ZFHX3: variants seen among roughly 807,000 people sequenced by gnomAD.
ZFHX3 encodes zinc finger homeobox protein 3.
Under a neutral mutation model 279.1 loss-of-function variants are expected in ZFHX3, and 42 were observed. That is an observed-to-expected ratio of 0.15 (90% CI 0.12 to 0.19). The LOEUF is 0.19. Ranked by LOEUF, ZFHX3 falls within the 10% of genes least tolerant of loss-of-function variation. ZFHX3 has a pLI of 1.00. For missense variants in ZFHX3, 4,981 were observed against 4,754.0 expected (o/e 1.05, Z -1.40); for synonymous variants, 2,293 against 1,957.8 (o/e 1.17, Z -4.52).
chr16:73,093,318 A>G, exon 8 of ZFHX3: 1 of 421,506 alleles, frequency 2.4e-6, no homozygotes, highest in Non-Finnish European at 4.7e-6. Flanking sequence ...AAAGATGCAT[A>G]TTGAAAGCCA....
chr16:73,122,139 C>G (rs1966506587), intron 7 of ZFHX3, among the ~76,000 whole-genome samples: 1 of 152,092 alleles, frequency 6.6e-6, no homozygotes, highest in Admixed American at 6.5e-5. Flanking sequence ...CCTATCCATA[C>G]TTGTGAAATT....
intron 4 of ZFHX3, among the ~76,000 whole-genome samples, chr16:73,293,537 A>G (rs1002157820): frequency 6.6e-6 from 1 of 152,234 alleles, no homozygotes; most frequent in Non-Finnish European, 1.5e-5. Context: ...CTATTGGTGC[A>G]TGAAGACAAT....
intron 4 of ZFHX3, among the ~76,000 whole-genome samples, chr16:72,882,713 C>T (rs1443696056): frequency 6.6e-6 from 1 of 152,122 alleles, no homozygotes; most frequent in Non-Finnish European, 1.5e-5. Flanking sequence ...AGATCATTAG[C>T]ATATTTTGCA....
At position 73,319,902 on chromosome 16, in the gene ZFHX3, C is replaced by T. The variant is rs80270798; in HGVS notation, c.-1290-1566G>A. 5.6e-4 allele frequency among the ~76,000 whole-genome samples: 86 copies of T among 152,218 alleles called. No individual in the cohort carries two copies. The East Asian group carries it at 0.012, about 21-fold the overall frequency. On this transcript the variant is annotated intron_variant, in intron 3 of 17. Coordinates refer to the ZFHX3 transcript ENST00000641206. ...GCTGCAATCTGGCTGGTTGCTATGG[C>T]GACGTGATGGTTTGTTCACATGGCA...
At chr16:73,455,035 G>T (rs1026397684) in intron 3 of ZFHX3, among the ~76,000 whole-genome samples, 7 of 152,126 alleles carry the variant, frequency 4.6e-5, no homozygotes, top group African/African-American at 1.4e-4. Flanking sequence ...TTTACAAATG[G>T]AAGCTTGTCA....
intron 5 of ZFHX3, among the ~76,000 whole-genome samples, chr16:73,184,586 G>A (rs58347765): frequency 4.6e-5 from 7 of 152,084 alleles, no homozygotes; most frequent in African/African-American, 1.4e-4. Context: ...TCAAAATCTC[G>A]ACTCTTCCTG....
At chr16:73,065,102 C>G (rs1475329601) in intron 8 of ZFHX3, among the ~76,000 whole-genome samples, 12 of 152,162 alleles carry the variant, frequency 7.9e-5, no homozygotes, top group Non-Finnish European at 2.9e-5. Flanking sequence ...CAGCCGGAGC[C>G]AGGAAAAAAG....
Position 72,957,494 on chromosome 16 carries a change from G to A in ZFHX3, c.2652C>T (p.Ala884=). The change falls in exon 2 of 10, where the codon GCC becomes GCT. Residue 884 remains alanine (A), a synonymous_variant. Transcript: ENST00000268489. ...GCTGGAATCCGCTCATCATGAACTG[G>A]GCGTCCGAGGCAGCACTGTCCATCT... ...NLKMDSAASD[A]QFMMSGFQLD... is the part of the protein sequence containing the mutation. 1.9e-6 allele frequency: 3 copies of A among 1,614,148 alleles called. No homozygotes were observed. The highest frequency in any genetic ancestry group is 1.7e-5 in the Admixed American group (1 of 60,026).
chr16:73,133,406 C>T (rs1966731627), intron 6 of ZFHX3, among the ~76,000 whole-genome samples: 1 of 152,002 alleles, frequency 6.6e-6, no homozygotes, highest in Admixed American at 6.6e-5. Context: ...CCTGTAGTCC[C>T]AGCTACTCGG....
In ZFHX3 at chr16:73,250,596, C is replaced by T. The variant is rs148870074; in HGVS notation, c.-1104+6451G>A. On this transcript the variant is annotated intron_variant, in intron 5 of 17. Coordinates refer to the ZFHX3 transcript ENST00000641206. ...TCACCCAGGCTGGGGTGCAGGGGTGCGATCTTGGCTCACTGCAAGCTCCAG... is the reference window on the plus strand; with the variant it reads ...TCACCCAGGCTGGGGTGCAGGGGTGTGATCTTGGCTCACTGCAAGCTCCAG... Among the ~76,000 whole-genome samples, 358 of 152,208 alleles carry T rather than the reference C, an allele frequency of 2.4e-3. 4 individuals carry two copies. In the South Asian group the frequency reaches 0.027, roughly 11 times the overall value.
At position 72,787,975 on chromosome 16, in the gene ZFHX3, A is replaced by C. The variant is rs756691596; in HGVS notation, c.10301T>G (p.Leu3434Arg). Residue 3434 changes from leucine to arginine, a missense_variant, in exon 10 of 10, where the codon CTC becomes CGC. By Grantham distance (102) the Leu-to-Arg change is moderately radical (BLOSUM62 -2). Around this residue, in one of 7 missense-constraint regions of ZFHX3, gnomAD observed 1,034 missense variants for 786.0 expected, o/e 1.32. Transcript: ENST00000268489. ...TGGCTCTTCAGGGAGTTTCGGCAGG[A>C]GGGGGGACACCTCACGGGGGGTGTT... ...QKNTPREVSP[L>R]LPKLPEEPEA... 6.2e-7 allele frequency: 1 copy of C among 1,604,904 alleles called. No homozygotes were observed. The highest frequency in any genetic ancestry group is 8.5e-7 in the Non-Finnish European group (1 of 1,177,344).
In ZFHX3 at chr16:72,783,169, CTATTT is replaced by C. The variant is rs2035196407; in HGVS notation, c.*3990_*3994del. 6.6e-6 allele frequency: 1 copy of C among 152,210 alleles called. No individual in the cohort carries two copies. Among genetic ancestry groups the C allele is most frequent in the Admixed American group, 6.6e-5 (1 of 15,256 alleles). 9.4% of individuals were successfully genotyped at this position (152,210 alleles called of 1,614,324 possible). On this transcript the variant is annotated 3_prime_UTR_variant, in exon 10 of 10. Transcript: ENST00000268489. ...AACATCATTTTTGGTTTCACTTGCTCTATTTTTTTTGTTGTTTTTTGTTTTTTTTT... is the reference window on the plus strand; with the variant it reads ...AACATCATTTTTGGTTTCACTTGCTCTTTTTGTTGTTTTTTGTTTTTTTTT...
rs562266985 is a variant in ZFHX3 at position 73,867,193 on chromosome 16, G to A, written c.-1608+24458C>T. Among the ~76,000 whole-genome samples, 6 of 152,222 alleles carry A rather than the reference G, an allele frequency of 3.9e-5. No individual in the cohort carries two copies. The East Asian group carries it at 1.2e-3, about 29-fold the overall frequency. ...GCCTGCCATGACTCCATTTGCTGAA[G>A]ACTCTCTATGAGCCAATTCCAGTGT... On this transcript the variant is annotated intron_variant, in intron 1 of 17. Coordinates refer to the ZFHX3 transcript ENST00000641206.
chr16:73,762,742 C>A (rs1445269592), intron 1 of ZFHX3, among the ~76,000 whole-genome samples: 1 of 152,090 alleles, frequency 6.6e-6, no homozygotes, highest in African/African-American at 2.4e-5. Context: ...AACCAAATAC[C>A]ACATGTTCTC....
chr16:73,411,360 C>T (rs542816385), intron 3 of ZFHX3, among the ~76,000 whole-genome samples: 4 of 152,334 alleles, frequency 2.6e-5, no homozygotes, highest in South Asian at 2.1e-4. Context: ...TTGAAATATG[C>T]ACATAAACTA....
At chr16:73,247,561 G>A (rs570647680) in intron 5 of ZFHX3, among the ~76,000 whole-genome samples, 430 of 151,690 alleles carry the variant, frequency 2.8e-3, no homozygotes, top group Non-Finnish European at 4.2e-3. Context: ...GCCTGTATGC[G>A]GAGTGTATGA....
chr16:73,133,612 C>T (rs117256941), intron 6 of ZFHX3, among the ~76,000 whole-genome samples: 2,841 of 152,278 alleles, frequency 0.019, 47 homozygotes, highest in Middle Eastern at 0.061. Context: ...TAAGCCAAGA[C>T]GAGAGGCCTC....
At chr16:73,015,548 C>A (rs74030205) in intron 1 of ZFHX3, 1 of 152,364 alleles carries the variant, frequency 6.6e-6, no homozygotes, top group African/African-American at 2.4e-5. Context: ...CTAGAAACAT[C>A]TACATTCAAG....
At position 72,797,808 on chromosome 16, in the gene ZFHX3, C is replaced by A; in HGVS notation, c.4874G>T (p.Arg1625Leu). 6.2e-7 allele frequency: 1 copy of A among 1,614,044 alleles called. No individual in the cohort carries two copies. The highest frequency in any genetic ancestry group is 1.6e-4 in the Middle Eastern group (1 of 6,062). The change falls in exon 9 of 10, where the codon CGG (arginine) becomes CTG (leucine). Residue 1625 changes from arginine (R) to leucine (L), a missense_variant. Arg to Leu is a moderately radical substitution (Grantham distance 102). Coordinates refer to ENST00000268489, the MANE Select transcript of ZFHX3 (RefSeq NM_006885.4). ...MRSVLHQTKA[R>L]AAKLEAASGS... ...ACTTGCAGCCTCCAGCTTGGCTGCC[C>A]GGGCCTTGGTTTGATGTAACACAGA...
Sources: gnomAD v4.1 joint callset for allele counts (sites outside exome capture counted in the v4.1 genomes callset) on GRCh38, gnomAD v4.1.1 for gene constraint, gnomAD v4.1.1 regional missense constraint, MANE v1.5 for transcripts, NCBI Gene and HGNC (gene_info 2026-07-23, HGNC 2026-07-21) for gene names.